Variants in CYP4F8 observed in about 807,000 individuals in gnomAD.
The protein encoded by CYP4F8 is cytochrome P450 family 4 subfamily F member 8, also known as cytochrome P450 4F8.
Under a neutral mutation model 55.0 loss-of-function variants are expected in CYP4F8, and 56 were observed. That is an observed-to-expected ratio of 1.02 (90% CI 0.82 to 1.27). The LOEUF (loss-of-function observed/expected upper bound fraction) is 1.27, where lower values mean the gene tolerates loss of function less well. Ranked by LOEUF, CYP4F8 falls within the 50% of genes most tolerant of loss-of-function variation. The probability of loss-of-function intolerance (pLI) is 0.00; values close to 1 mark genes in which losing one functional copy is unlikely to be tolerated. For synonymous variants in CYP4F8, 288 were observed against 267.3 expected (o/e 1.08, Z -0.76); for missense variants, 680 against 682.4 (o/e 1.00, Z 0.04).
rs1411149430 is a variant in CYP4F8, at chr19:15,618,116, C to G, written c.315C>G (p.Asp105Glu). 2.3e-5 allele frequency: 37 copies of G among 1,614,000 alleles called. No homozygotes were observed. The highest frequency in any genetic ancestry group is 3.1e-5 in the Non-Finnish European group (37 of 1,179,988). ...CCATCATCAACTTGTGCCACCCTGA[C>G]ATCGTCCGATCTGTCATCAATACCT... ...ITPIINLCHP[D>E]IVRSVINTSD... The change falls in exon 3 of 13, where the codon GAC (aspartate) becomes GAG (glutamate). Residue 105 changes from aspartate (D) to glutamate (E), a missense_variant. Coordinates refer to ENST00000612078, the MANE Select transcript of CYP4F8 (RefSeq NM_007253.4).
At chr19:15,618,227 T>A (rs1360855969) in intron 3 of CYP4F8, 83 bp downstream of exon 3, 3 of 1,598,326 alleles carry the variant, frequency 1.9e-6, no homozygotes, top group Non-Finnish European at 2.6e-6. Context: ...TCTGTGCAGC[T>A]CTTGTAGTAC....
At chr19:15,624,145 C>A (rs1238524111) in intron 9 of CYP4F8, 51 bp downstream of exon 9, 1 of 1,594,764 alleles carries the variant, frequency 6.3e-7, no homozygotes, top group South Asian at 1.1e-5. Context: ...GAGTCCTTCT[C>A]GTTGGTTCTT....
At chr19:15,615,875 C>G in intron 2 of CYP4F8, 61 bp downstream of exon 2, 1 of 1,467,010 alleles carries the variant, frequency 6.8e-7, no homozygotes, top group Non-Finnish European at 9.1e-7. Flanking sequence ...GGGGCTCAGG[C>G]TGAGGGGGTG....
intron 5 of CYP4F8, 26 bp downstream of exon 5, chr19:15,619,788 A>C: frequency 6.2e-7 from 1 of 1,610,536 alleles, no homozygotes; most frequent in East Asian, 2.2e-5. Context: ...TCAGCATCCC[A>C]GCTGCAGCCT....
chr19:15,630,146 T>A lies in CYP4F8; in HGVS notation c.*788T>A, dbSNP rs1010892824. The A allele has an allele frequency of 6.6e-6, 1 of 152,160 alleles. No homozygotes were observed. The highest frequency in any genetic ancestry group is 2.4e-5 in the African/African-American group (1 of 41,406). The allele number at this position is 152,160 out of a possible 1,614,324, so 9.4% of individuals were successfully genotyped here. A position where few individuals can be genotyped will look rare whatever the true frequency, so the allele number is the denominator to read the frequency against. ...CCTCCCAAAGTGCCAGAATTGCAGG[T>A]GTGAGAATAAAAATTCTTGAGTTTC... On this transcript the variant is annotated 3_prime_UTR_variant, in exon 13 of 13. Transcript: ENST00000612078.
intron 3 of CYP4F8, chr19:15,618,691 C>T: frequency 4.1e-6 from 1 of 246,454 alleles, no homozygotes; most frequent in Non-Finnish European, 8.0e-6. Context: ...AGGCCCAGAG[C>T]AAGGACAAGA....
chr19:15,629,414 C>G lies in CYP4F8; in HGVS notation c.*56C>G. ...CATCACCTACCTTTGCACCAACTAC[C>G]TTTTCAGATTTCCGGTAATAAATCT... On this transcript the variant is annotated 3_prime_UTR_variant, in exon 13 of 13. Transcript: ENST00000612078. The G allele has an allele frequency of 6.7e-7, 1 of 1,497,416 alleles. No individual in the cohort carries two copies. The highest frequency in any genetic ancestry group is 8.9e-7 in the Non-Finnish European group (1 of 1,122,600). The allele number at this position is 1,497,416 out of a possible 1,614,324, so 92.8% of individuals were successfully genotyped here.
chr19:15,620,514 G>A (rs527889791), intron 5 of CYP4F8, among the ~76,000 whole-genome samples: 67 of 152,164 alleles, frequency 4.4e-4, no homozygotes, highest in African/African-American at 1.5e-3. Context: ...TCTTAGCCTC[G>A]TGGGTAGATG....
Position 15,623,728 on chromosome 19 carries a change from G to C in CYP4F8, c.948G>C (p.Glu316Asp). ...EDKNGKELSD[E>D]DIRAEADTFM... ...AAAATGGTAAAGAGTTGTCAGATGA[G>C]GACATAAGAGCAGAAGCTGACACTT... is the stretch of plus-strand genomic sequence containing the variant. The change falls in exon 8 of 13, where the codon GAG becomes GAC. Residue 316 changes from glutamate (E) to aspartate (D), a missense_variant. Transcript: ENST00000612078. The C allele has an allele frequency of 6.2e-7, 1 of 1,614,100 alleles. No individual in the cohort carries two copies. Among genetic ancestry groups the C allele is most frequent in the Non-Finnish European group, 8.5e-7 (1 of 1,180,018 alleles).
At chr19:15,629,115 T>C in intron 12 of CYP4F8, 78 bp from the exon 13 acceptor site, 1 of 1,493,920 alleles carries the variant, frequency 6.7e-7, no homozygotes, top group Non-Finnish European at 8.9e-7. Context: ...GGGTTGGGGG[T>C]TCCGGGCCTG....
rs1199987347 is a variant in CYP4F8, at chr19:15,618,048, A to G, written c.247A>G (p.Thr83Ala). The change falls in exon 3 of 13, where the codon ACC becomes GCC. Residue 83 changes from threonine (T) to alanine (A), a missense_variant. Physicochemically the swap from Thr to Ala is moderately conservative, Grantham distance 58 (BLOSUM62 0). Coordinates refer to ENST00000612078, the MANE Select transcript of CYP4F8 (RefSeq NM_007253.4). ...GAGGGTCCTGACCCAGCTGGTGGCCACCTACCCCCAGGGCTTTGTGAGGTG... is the reference window on the plus strand; with the variant it reads ...GAGGGTCCTGACCCAGCTGGTGGCCGCCTACCCCCAGGGCTTTGTGAGGTG... The part of the protein sequence containing the change: ...GLRVLTQLVA[T>A]YPQGFVRWLG... 6 of 1,613,904 alleles carry G rather than the reference A, an allele frequency of 3.7e-6. No homozygotes were observed. Among genetic ancestry groups the G allele is most frequent in the South Asian group, 1.1e-5 (1 of 91,086 alleles).
intron 12 of CYP4F8, 132 bp downstream of exon 12, chr19:15,628,975 G>GTGC (rs1972300229): frequency 2.4e-6 from 3 of 1,266,588 alleles, no homozygotes; most frequent in Non-Finnish European, 3.2e-6. Flanking sequence ...GAAAAAGGGT[G>GTGC]TGCTCAGAGC....
intron 9 of CYP4F8, among the ~76,000 whole-genome samples, chr19:15,626,107 G>C (rs1290699534): frequency 1.3e-5 from 2 of 152,144 alleles, no homozygotes; most frequent in Non-Finnish European, 2.9e-5. Flanking sequence ...TTTTAGCTAT[G>C]ATCTAGTCCT....
chr19:15,621,175 C>T (rs1972189009), intron 5 of CYP4F8, among the ~76,000 whole-genome samples: 1 of 152,062 alleles, frequency 6.6e-6, no homozygotes, highest in Non-Finnish European at 1.5e-5. Context: ...AACGTGTGTC[C>T]CAGAGGAGCC....
chr19:15,624,229 A>G, intron 9 of CYP4F8, 135 bp downstream of exon 9: 1 of 1,435,080 alleles, frequency 7.0e-7, no homozygotes, highest in South Asian at 1.4e-5. Flanking sequence ...ATAGGAGTAG[A>G]GCCCAGAAAC....
At chr19:15,625,261 G>C (rs1972247040) in intron 9 of CYP4F8, among the ~76,000 whole-genome samples, 1 of 150,494 alleles carries the variant, frequency 6.6e-6, no homozygotes, top group African/African-American at 2.4e-5. Flanking sequence ...TCCCAACCAA[G>C]TTTAATGAAT....
chr19:15,623,950 C>G lies in CYP4F8; in HGVS notation c.986-15C>G, dbSNP rs1234888766. 1 of 1,613,332 alleles carries G rather than the reference C, an allele frequency of 6.2e-7. No homozygotes were observed. The highest frequency in any genetic ancestry group is 8.5e-7 in the Non-Finnish European group (1 of 1,179,560). On this transcript the variant is annotated splice_polypyrimidine_tract_variant and intron_variant, in intron 8 of 12. Coordinates refer to ENST00000612078, the MANE Select transcript of CYP4F8 (RefSeq NM_007253.4). ...AAGCAGCCCAGAGACTCAAGCCTGC[C>G]TGGCTGACCCTCAGGCCATGACACC...
chr19:15,626,081 A>G (rs1223157143), intron 9 of CYP4F8, among the ~76,000 whole-genome samples: 1 of 152,196 alleles, frequency 6.6e-6, no homozygotes, highest in African/African-American at 2.4e-5. Flanking sequence ...GGTTCTAAGT[A>G]CATTTATTCT....
At chr19:15,628,681 C>T in intron 11 of CYP4F8, 80 bp from the exon 12 acceptor site, 2 of 1,606,008 alleles carry the variant, frequency 1.2e-6, no homozygotes, top group South Asian at 1.1e-5. Context: ...CCTCTCTACT[C>T]CACCCACATC....
Sources: allele counts gnomAD v4.1 joint callset (sites outside exome capture counted in the v4.1 genomes callset), GRCh38; gene constraint gnomAD v4.1.1; transcripts MANE v1.5; gene names NCBI Gene and HGNC (gene_info 2026-07-23, HGNC 2026-07-21).